The following STMN2 variants were observed in gnomAD, a reference collection of about 807,000 sequenced individuals.
STMN2 encodes the protein stathmin-2.
A neutral mutation model predicts 24.1 loss-of-function variants in STMN2; 2 were observed. The observed-to-expected ratio is 0.08, with a 90% CI of 0.03 to 0.26. The LOEUF (loss-of-function observed/expected upper bound fraction) is 0.26, where lower values mean the gene tolerates loss of function less well. Among genes scored for constraint, STMN2 ranks in the 10% least tolerant of loss-of-function variants. The pLI, the probability that STMN2 is intolerant of heterozygous loss-of-function variation, is 1.00. For synonymous variants in STMN2, 83 were observed against 77.5 expected, an observed-to-expected ratio of 1.07 and a Z score of -0.37; for missense variants, 114 against 213.6, an observed-to-expected ratio of 0.53 and a Z score of 2.91.
intron 1 of STMN2, among the ~76,000 whole-genome samples, chr8:79,626,272 T>C (rs1196686445): frequency 1.3e-5 from 2 of 152,210 alleles, no homozygotes; most frequent in African/African-American, 4.8e-5. Context: ...AACATATAAA[T>C]GAATACAAAG....
intron 4 of STMN2, among the ~76,000 whole-genome samples, chr8:79,655,548 A>G (rs1003491325): frequency 1.3e-5 from 2 of 152,184 alleles, no homozygotes; most frequent in Non-Finnish European, 2.9e-5. Context: ...TGGTAAGCCC[A>G]TTCTAGGGTA....
chr8:79,613,451 C>A, intron 1 of STMN2: 1 of 985,470 alleles, frequency 1.0e-6, no homozygotes, highest in Non-Finnish European at 1.2e-6. Flanking sequence ...TCCTGAGCTA[C>A]CCCCGCTTTC....
chr8:79,647,445 C>A, intron 3 of STMN2, among the ~76,000 whole-genome samples: 1 of 152,184 alleles, frequency 6.6e-6, no homozygotes, highest in South Asian at 2.1e-4. Context: ...TTCAGGGACC[C>A]CTTCAGGGAA....
chr8:79,650,875 G>C (rs1002012773), intron 3 of STMN2, among the ~76,000 whole-genome samples: 3 of 151,950 alleles, frequency 2.0e-5, no homozygotes, highest in African/African-American at 7.3e-5. Context: ...GGAATTTGAG[G>C]CTATAGTAAA....
In STMN2 at chr8:79,623,599, T is replaced by C. The variant is rs77065480; in HGVS notation, c.19+12385T>C. 5.9e-5 allele frequency among the ~76,000 whole-genome samples: 9 copies of C among 152,360 alleles called. No homozygotes were observed. The East Asian group carries it at 1.5e-3, about 26-fold the overall frequency. ...TAGATACTGTTGATGATAATCTGCA[T>C]ATAAAAATGCTCAATATTTTTTCAC... On this transcript the variant is annotated intron_variant, in intron 1 of 4. Transcript: ENST00000220876.
intron 4 of STMN2, chr8:79,663,542 G>A (rs1419651773): frequency 7.3e-7 from 1 of 1,371,438 alleles, no homozygotes; most frequent in Admixed American, 2.3e-5. Flanking sequence ...TAGACTCCTT[G>A]AGATTAATAG....
intron 1 of STMN2, chr8:79,613,327 G>C: frequency 1.0e-6 from 1 of 955,590 alleles, no homozygotes; most frequent in Non-Finnish European, 1.2e-6. Flanking sequence ...TGGCGACTGG[G>C]TGTGTGGAGC....
At chr8:79,654,080 G>A (rs144473168) in intron 3 of STMN2, among the ~76,000 whole-genome samples, 97 of 152,280 alleles carry the variant, frequency 6.4e-4, no homozygotes, top group Non-Finnish European at 1.3e-3. Flanking sequence ...CTTGGAATCA[G>A]AATCTTTGGA....
rs11374351 is a variant in STMN2 at position 79,648,453 on chromosome 8, CTT to C, written c.289-6398_289-6397del. 5.1e-5 allele frequency among the ~76,000 whole-genome samples: 5 copies of C among 97,890 alleles called. No homozygotes were observed. In the Admixed American group the frequency reaches 5.5e-4, roughly 11 times the overall value. The allele number at this position is 97,890 out of a possible 152,430, so 64.2% of individuals were successfully genotyped here. On this transcript the variant is annotated intron_variant, in intron 3 of 4. Transcript: ENST00000220876. ...AAATGCTACCATACAATATACGTTG[CTT>C]TTTTTTTTTTTTTTTTTTTGAGACG...
chr8:79,615,161 G>C (rs749366010), intron 1 of STMN2, among the ~76,000 whole-genome samples: 1 of 152,164 alleles, frequency 6.6e-6, no homozygotes, highest in Non-Finnish European at 1.5e-5. Context: ...AGGATGAATC[G>C]ATACATATTG....
chr8:79,664,806 G>GT lies in STMN2; in HGVS notation c.481-3dup, dbSNP rs1232423898. ...CTGTGACATTTCTTCTTCCTTTTGT[G>GT]TTTTTTAGGAGAGGCATGCTGCGGA... On this transcript the variant is annotated splice_polypyrimidine_tract_variant and intron_variant, in intron 4 of 4. Coordinates refer to ENST00000220876, the MANE Select transcript of STMN2 (RefSeq NM_007029.4). 1.9e-6 allele frequency: 3 copies of GT among 1,611,912 alleles called. No individual in the cohort carries two copies. The highest frequency in any genetic ancestry group is 2.5e-6 in the Non-Finnish European group (3 of 1,178,878).
intron 4 of STMN2, chr8:79,663,598 T>C: frequency 6.5e-7 from 1 of 1,528,962 alleles, no homozygotes; most frequent in South Asian, 1.2e-5. Context: ...GTTTATTTCT[T>C]CTGAACTAAA....
chr8:79,636,656 C>T (rs1354680154), intron 1 of STMN2, 146 bp from the exon 2 acceptor site: 2 of 714,266 alleles, frequency 2.8e-6, no homozygotes, highest in African/African-American at 3.6e-5. Flanking sequence ...ATCTTGCATT[C>T]CTTTATATTT....
intron 4 of STMN2, among the ~76,000 whole-genome samples, chr8:79,656,897 A>G (rs79176987): frequency 0.082 from 12,088 of 147,468 alleles, 829 homozygotes; most frequent in Non-Finnish European, 0.14. Flanking sequence ...TTTTTGAGAT[A>G]GAGTCTCGCT....
At chr8:79,624,577 C>A (rs75693435) in intron 1 of STMN2, among the ~76,000 whole-genome samples, 16,016 of 151,812 alleles carry the variant, frequency 0.11, 1,170 homozygotes, top group Non-Finnish European at 0.16. Context: ...CACTTAAACT[C>A]ATTGCAAAAA....
intron 3 of STMN2, 145 bp from the exon 4 acceptor site, chr8:79,654,726 A>G: frequency 1.1e-6 from 1 of 881,476 alleles, no homozygotes; most frequent in Non-Finnish European, 1.7e-6. Flanking sequence ...ACTCTAAGCC[A>G]TGCAGATGAG....
intron 2 of STMN2, among the ~76,000 whole-genome samples, chr8:79,638,072 TAGAC>T (rs1810007515): frequency 6.6e-6 from 1 of 152,212 alleles, no homozygotes; most frequent in South Asian, 2.1e-4. Flanking sequence ...GCAAATAAAT[TAGAC>T]AGACCTTTAT....
intron 3 of STMN2, among the ~76,000 whole-genome samples, chr8:79,650,579 A>C (rs1348227606): frequency 6.6e-6 from 1 of 152,226 alleles, no homozygotes; most frequent in East Asian, 1.9e-4. Context: ...TCTGACTAGA[A>C]GATTAAACTA....
intron 1 of STMN2, among the ~76,000 whole-genome samples, chr8:79,616,119 G>A (rs1416867906): frequency 6.6e-6 from 1 of 152,180 alleles, no homozygotes; most frequent in Non-Finnish European, 1.5e-5. Context: ...AAACAGGCAG[G>A]TATGTGATAC....
Sources: gnomAD v4.1 joint callset for allele counts (sites outside exome capture counted in the v4.1 genomes callset) on GRCh38, gnomAD v4.1.1 for gene constraint, MANE v1.5 for transcripts, NCBI Gene and HGNC (gene_info 2026-07-23, HGNC 2026-07-21) for gene names.